The following CASD1 variants were observed in gnomAD, a reference collection of about 807,000 sequenced individuals.
The protein encoded by CASD1 is CAS1 domain sialic acid O acetyltransferase 1.
Under a neutral mutation model 100.0 loss-of-function variants are expected in CASD1, and 41 were observed. The ratio of observed to expected loss-of-function variants is 0.41; its 90% CI spans 0.32 to 0.53. The LOEUF (loss-of-function observed/expected upper bound fraction) is 0.53. Ranked by LOEUF, CASD1 falls within the 20% of genes least tolerant of loss-of-function variation. The pLI is 0.25. For missense variants in CASD1, 774 were observed against 948.7 expected (o/e 0.82, Z 2.42); for synonymous variants, 321 against 315.6 (o/e 1.02, Z -0.18).
chr7:94,616,308 G>A, the CASD1 span, among the ~76,000 whole-genome samples: 12 of 151,982 alleles, frequency 7.9e-5, no homozygotes, highest in African/African-American at 2.9e-4. Flanking sequence ...ATTACTTGTG[G>A]CTGACATGTG....
the CASD1 span, chr7:94,624,171 A>C: frequency 7.1e-4 from 282 of 397,942 alleles, no homozygotes; most frequent in Non-Finnish European, 2.3e-4. Flanking sequence ...TCAAAAAAAA[A>C]AAAAAAAACA....
the CASD1 span, chr7:94,598,493 T>C: frequency 2.7e-6 from 1 of 368,986 alleles, no homozygotes; most frequent in Non-Finnish European, 4.9e-6. Context: ...AACTCATCTT[T>C]GAGCAAACAT....
chr7:94,624,117 A>T, the CASD1 span: 1 of 396,886 alleles, frequency 2.5e-6, no homozygotes. Flanking sequence ...GGCCTATTTA[A>T]CTTTATAACA....
chr7:94,537,339 TG>T, intron 8 of CASD1, 132 bp from the exon 9 acceptor site: 1 of 769,246 alleles, frequency 1.3e-6, no homozygotes, highest in South Asian at 1.8e-5. Flanking sequence ...TTGCATGATT[TG>T]GGAAATGGTA....
chr7:94,591,643 C>G, the CASD1 span, among the ~76,000 whole-genome samples: 3 of 152,246 alleles, frequency 2.0e-5, no homozygotes, highest in African/African-American at 7.2e-5. Flanking sequence ...CTCTTGTTGG[C>G]CCTCCCAACT....
rs115256968 is a variant in CASD1, at chr7:94,539,805, T to A, written c.1356+749T>A. Reference sequence around the variant, plus strand: ...CTATCCTTTGCTGTCTTTTAGGAAGTTTGACTAGCTATTTTTACATTTTTA... The same window carrying A: ...CTATCCTTTGCTGTCTTTTAGGAAGATTGACTAGCTATTTTTACATTTTTA... On this transcript the variant is annotated intron_variant, in intron 10 of 17. Coordinates refer to ENST00000297273, the MANE Select transcript of CASD1 (RefSeq NM_022900.5). 1.8e-3 allele frequency among the ~76,000 whole-genome samples: 269 copies of A among 152,312 alleles called. 2 individuals are homozygous for A. Among genetic ancestry groups the A allele is most frequent in the African/African-American group, 5.9e-3 (245 of 41,580 alleles).
the CASD1 span, among the ~76,000 whole-genome samples, chr7:94,566,681 G>A: frequency 6.6e-6 from 1 of 152,140 alleles, no homozygotes; most frequent in African/African-American, 2.4e-5. Flanking sequence ...GCATTCTAAT[G>A]GAAGCTTTAT....
chr7:94,537,705 C>A lies in CASD1; in HGVS notation c.1077C>A (p.Thr359=). The part of the protein sequence containing the change: ...SGEEKKNIIN[T]PVSSLEILLQ... ...AGGAAAAGAAAAATATTATCAATAC[C>A]CCTGTGTCTTCATTAGAAATACTTT... Residue 359 remains threonine (T), a synonymous_variant, in exon 9 of 18, where the codon ACC becomes ACA. Transcript: ENST00000297273. The A allele has an allele frequency of 6.2e-7, 1 of 1,613,452 alleles. No homozygotes were observed. The highest frequency in any genetic ancestry group is 8.5e-7 in the Non-Finnish European group (1 of 1,179,700).
At chr7:94,521,902 G>A (rs558711513) in intron 3 of CASD1, among the ~76,000 whole-genome samples, 5 of 152,200 alleles carry the variant, frequency 3.3e-5, no homozygotes, top group African/African-American at 7.2e-5. Context: ...TGGCTAACAC[G>A]GTGAAACCCT....
the CASD1 span, among the ~76,000 whole-genome samples, chr7:94,593,158 T>C: frequency 6.6e-6 from 1 of 152,170 alleles, no homozygotes; most frequent in Non-Finnish European, 1.5e-5. Context: ...CTAAAATGAT[T>C]AGATACTGTC....
chr7:94,581,084 A>G, the CASD1 span, among the ~76,000 whole-genome samples: 441 of 152,326 alleles, frequency 2.9e-3, 6 homozygotes, highest in African/African-American at 0.01. Context: ...TTTTAAATAT[A>G]TAGTGAAAAA....
the CASD1 span, among the ~76,000 whole-genome samples, chr7:94,574,565 A>G: frequency 1.3e-5 from 2 of 152,004 alleles, no homozygotes; most frequent in Non-Finnish European, 2.9e-5. Context: ...CTTTGTGGTC[A>G]GTGGTAACAT....
At position 94,541,014 on chromosome 7, in the gene CASD1, T is replaced by TA. The variant is rs145836708; in HGVS notation, c.1356+1959dup. ...ATCATTTACCAACCTAACATTCTAA[T>TA]ATATCTTCTTATACTGCATCCTAAT... On this transcript the variant is annotated intron_variant, in intron 10 of 17. Transcript: ENST00000297273. Among the ~76,000 whole-genome samples, 1,017 of 152,212 alleles carry TA rather than the reference T, an allele frequency of 6.7e-3. 46 individuals are homozygous for TA. The East Asian group carries it at 0.13, about 20-fold the overall frequency.
the CASD1 span, chr7:94,626,897 G>T: frequency 1.3e-3 from 194 of 152,030 alleles, 1 homozygote; most frequent in African/African-American, 4.6e-3. Context: ...TTCTTATCAA[G>T]AATAGGTAGT....
rs1199946954 is a variant in CASD1, at chr7:94,556,677, T to C, written c.*919T>C. 1 of 152,068 alleles carries C rather than the reference T, an allele frequency of 6.6e-6. No homozygotes were observed. The highest frequency in any genetic ancestry group is 1.5e-5 in the Non-Finnish European group (1 of 67,932). 9.4% of individuals were successfully genotyped at this position (152,068 alleles called of 1,614,324 possible). ...TTTATCAGTCTAAACTTGTGCAGTG[T>C]AGTAAACATGCAAGTTGTTACGATT... On this transcript the variant is annotated 3_prime_UTR_variant, in exon 18 of 18. Transcript: ENST00000297273.
intron 3 of CASD1, among the ~76,000 whole-genome samples, chr7:94,522,600 A>C (rs538008627): frequency 2.6e-5 from 4 of 152,156 alleles, no homozygotes; most frequent in Non-Finnish European, 5.9e-5. Context: ...TAGAAAATAC[A>C]CTTTACAATC....
chr7:94,549,513 T>C lies in CASD1; in HGVS notation c.1714-20T>C. On this transcript the variant is annotated intron_variant, in intron 13 of 17. Transcript: ENST00000297273. ...TTGACTTGTACCATCTTAATTTATT[T>C]TCTGGATTCCTTTTTTCAGGGTGCA... 6.5e-7 allele frequency: 1 copy of C among 1,545,870 alleles called. No homozygotes were observed. Among genetic ancestry groups the C allele is most frequent in the African/African-American group, 1.4e-5 (1 of 72,802 alleles).
chr7:94,575,509 T>C, the CASD1 span, among the ~76,000 whole-genome samples: 21 of 152,164 alleles, frequency 1.4e-4, no homozygotes, highest in African/African-American at 4.1e-4. Flanking sequence ...GTGATGAGAA[T>C]GCATACTCTG....
intron 1 of CASD1, 50 bp from the exon 2 acceptor site, chr7:94,517,510 T>A (rs1359829932): frequency 2.6e-6 from 3 of 1,142,478 alleles, no homozygotes; most frequent in East Asian, 2.4e-5. Flanking sequence ...ATAGCCGATG[T>A]GTAAAATTTT....
Sources: gnomAD v4.1 joint callset for allele counts (sites outside exome capture counted in the v4.1 genomes callset) on GRCh38, gnomAD v4.1.1 for gene constraint, MANE v1.5 for transcripts, NCBI Gene and HGNC (gene_info 2026-07-23, HGNC 2026-07-21) for gene names.